The following JAK1 variants were observed in gnomAD, a reference collection of about 807,000 sequenced individuals.
JAK1 encodes Janus kinase 1.
JAK1 carries 16 observed loss-of-function variants against 136.6 expected under a neutral mutation model. That is an observed-to-expected ratio of 0.12 (90% CI 0.08 to 0.18). JAK1 has a LOEUF of 0.18. Among genes scored for constraint, JAK1 ranks in the 10% least tolerant of loss-of-function variants. The pLI, the probability that JAK1 is intolerant of heterozygous loss-of-function variation, is 1.00. For missense variants in JAK1, 859 were observed against 1,450.1 expected (o/e 0.59, Z 6.62); for synonymous variants, 492 against 519.5 (o/e 0.95, Z 0.72).
intron 12 of JAK1, among the ~76,000 whole-genome samples, chr1:64,849,831 G>C (rs1196353318): frequency 6.6e-6 from 1 of 152,190 alleles, no homozygotes; most frequent in Non-Finnish European, 1.5e-5. Context: ...TCTGGTGACT[G>C]TAATCTCAGG....
At chr1:64,857,802 G>C in intron 9 of JAK1, 23 bp from the exon 10 acceptor site, 1 of 1,613,692 alleles carries the variant, frequency 6.2e-7, no homozygotes, top group Middle Eastern at 1.7e-4. Flanking sequence ...GTAGGCAAAG[G>C]GAGAAAGAGC....
chr1:64,925,322 CG>C (rs1200860172), intron 1 of JAK1, among the ~76,000 whole-genome samples: 1 of 151,848 alleles, frequency 6.6e-6, no homozygotes, highest in African/African-American at 2.4e-5. Flanking sequence ...GCAGAGGAAT[CG>C]CTTGAACCCA....
chr1:65,063,204 T>C (rs1354124757), intron 1 of JAK1, among the ~76,000 whole-genome samples: 1 of 152,212 alleles, frequency 6.6e-6, no homozygotes, highest in African/African-American at 2.4e-5. Context: ...GAGTGACAGA[T>C]GAGTAGAATC....
intron 1 of JAK1, among the ~76,000 whole-genome samples, chr1:65,065,552 C>T (rs1648000875): frequency 6.6e-6 from 1 of 151,602 alleles, no homozygotes; most frequent in South Asian, 2.1e-4. Flanking sequence ...GATTATAAAG[C>T]TAGGAGGCTT....
rs561978652 is a variant in JAK1 at position 64,942,888 on chromosome 1, T to A, written c.-78+23445A>T. On this transcript the variant is annotated intron_variant, in intron 1 of 24. Transcript: ENST00000342505. The stretch of plus-strand genomic sequence containing the variant: ...AATAAAGTAACTGTCTTAATTTTTT[T>A]AAAAAAAGAAAAAGGCCAAATGAAT... Among the ~76,000 whole-genome samples the A allele has an allele frequency of 9.8e-4, 149 of 152,172 alleles. 1 individual carries two copies. Among genetic ancestry groups the A allele is most frequent in the Non-Finnish European group, 3.5e-4 (24 of 67,990 alleles).
At chr1:64,985,872 A>G in intron 2 of JAK1, 1 of 629,430 alleles carries the variant, frequency 1.6e-6, no homozygotes. Context: ...GGAGCTAATC[A>G]TACAACCAAT....
At chr1:64,919,882 C>G (rs1645465861) in intron 1 of JAK1, among the ~76,000 whole-genome samples, 1 of 152,032 alleles carries the variant, frequency 6.6e-6, no homozygotes, top group Non-Finnish European at 1.5e-5. Context: ...TAGATCCTCT[C>G]AGGACAGAGT....
chr1:64,969,724 G>A (rs947513088), upstream of JAK1, among the ~76,000 whole-genome samples: 1 of 152,148 alleles, frequency 6.6e-6, no homozygotes, highest in Non-Finnish European at 1.5e-5. Flanking sequence ...GAGGAATCTC[G>A]CATGACTCCC....
intron 2 of JAK1, among the ~76,000 whole-genome samples, chr1:65,013,223 C>T (rs941399051): frequency 1.3e-5 from 2 of 151,276 alleles, no homozygotes; most frequent in Non-Finnish European, 2.9e-5. Context: ...TGGTGAATCC[C>T]CATCTCTACT....
intron 1 of JAK1, among the ~76,000 whole-genome samples, chr1:64,926,918 AAGGCACTC>A (rs1645593087): frequency 6.6e-6 from 1 of 152,212 alleles, no homozygotes; most frequent in Non-Finnish European, 1.5e-5. Context: ...AATGTATGTG[AAGGCACTC>A]AGCACAGTGT....
At chr1:64,978,872 T>A (rs56387852) in intron 2 of JAK1, among the ~76,000 whole-genome samples, 8 of 151,692 alleles carry the variant, frequency 5.3e-5, no homozygotes, top group Non-Finnish European at 1.2e-4. Flanking sequence ...AAAAAAAAAC[T>A]TAGGGTGGTC....
chr1:64,976,288 T>C (rs1646496974), intron 2 of JAK1, among the ~76,000 whole-genome samples: 1 of 152,196 alleles, frequency 6.6e-6, no homozygotes, highest in African/African-American at 2.4e-5. Context: ...CTGGGTGGTG[T>C]TATGTATGAC....
intron 2 of JAK1, among the ~76,000 whole-genome samples, chr1:64,986,898 A>T (rs1646605237): frequency 6.6e-6 from 1 of 152,194 alleles, no homozygotes; most frequent in Admixed American, 6.5e-5. Flanking sequence ...CAAAAAAAAA[A>T]TATAAAGCAC....
chr1:65,002,823 C>A (rs1045949703), intron 2 of JAK1, among the ~76,000 whole-genome samples: 5 of 152,194 alleles, frequency 3.3e-5, no homozygotes, highest in Non-Finnish European at 7.3e-5. Context: ...CGCACCCCGG[C>A]CCCTCGCAGA....
At chr1:64,926,889 G>A (rs1645592557) in intron 1 of JAK1, among the ~76,000 whole-genome samples, 1 of 152,074 alleles carries the variant, frequency 6.6e-6, no homozygotes, top group Non-Finnish European at 1.5e-5. Context: ...GTAGTATTTT[G>A]GTCAGCATTA....
At chr1:64,861,840 C>T (rs1385924938) in intron 8 of JAK1, among the ~76,000 whole-genome samples, 2 of 152,186 alleles carry the variant, frequency 1.3e-5, no homozygotes, top group African/African-American at 2.4e-5. Flanking sequence ...CACTGCCTTG[C>T]GGGTGTGACC....
At chr1:64,880,248 A>C (rs768396834) in intron 3 of JAK1, among the ~76,000 whole-genome samples, 3 of 152,236 alleles carry the variant, frequency 2.0e-5, no homozygotes, top group Non-Finnish European at 4.4e-5. Flanking sequence ...CAATATGAAC[A>C]GTTACCCTTC....
chr1:65,057,744 A>T (rs1647612734), intron 1 of JAK1: 1 of 154,840 alleles, frequency 6.5e-6, no homozygotes, highest in African/African-American at 2.4e-5. Context: ...CCTGAAATCG[A>T]TATGTGCCAG....
intron 2 of JAK1, among the ~76,000 whole-genome samples, chr1:65,011,139 G>A (rs1646845356): frequency 6.6e-6 from 1 of 152,012 alleles, no homozygotes; most frequent in Non-Finnish European, 1.5e-5. Context: ...GTGGAGGGTG[G>A]GATTAGAACT....
Sources: allele counts gnomAD v4.1 joint callset (sites outside exome capture counted in the v4.1 genomes callset), GRCh38; gene constraint gnomAD v4.1.1; transcripts MANE v1.5; gene names NCBI Gene and HGNC (gene_info 2026-07-23, HGNC 2026-07-21).